The following INSC variants were observed in gnomAD, a reference collection of about 807,000 sequenced individuals.
The protein encoded by INSC is protein inscuteable homolog.
A neutral mutation model predicts 58.6 loss-of-function variants in INSC; 67 were observed. That is an observed-to-expected ratio of 1.14 (90% confidence interval 0.94 to 1.40). INSC has a LOEUF of 1.40. Ranked by LOEUF, INSC falls within the 40% of genes most tolerant of loss-of-function variation. The pLI, the probability that INSC is intolerant of heterozygous loss-of-function variation, is 0.00. For missense variants in INSC, 714 were observed against 692.0 expected (o/e 1.03, Z -0.36); for synonymous variants, 262 against 276.1 (o/e 0.95, Z 0.51).
chr11:15,193,724 C>A (rs1357437311), intron 6 of INSC, among the ~76,000 whole-genome samples: 1 of 152,212 alleles, frequency 6.6e-6, no homozygotes, highest in Non-Finnish European at 1.5e-5. Context: ...CAAGTCTTTG[C>A]TATTGTGAAT....
At chr11:15,126,958 A>C (rs1848011189) in intron 1 of INSC, among the ~76,000 whole-genome samples, 1 of 152,152 alleles carries the variant, frequency 6.6e-6, no homozygotes, top group African/African-American at 2.4e-5. Flanking sequence ...TTGGCCTGTG[A>C]CCAGTTTCTA....
At chr11:15,112,478 GC>G, upstream of INSC, 1 of 1,608,120 alleles carries the variant, frequency 6.2e-7, no homozygotes, top group Non-Finnish European at 8.5e-7. Context: ...CCATGAGACG[GC>G]CCCCTGGCAA....
At chr11:15,192,962 C>T (rs1389408918) in intron 6 of INSC, among the ~76,000 whole-genome samples, 1 of 152,168 alleles carries the variant, frequency 6.6e-6, no homozygotes, top group Non-Finnish European at 1.5e-5. Context: ...ATGTAATTCT[C>T]ATGATTCTGT....
chr11:15,148,987 G>A, intron 1 of INSC, 143 bp from the exon 2 acceptor site: 2 of 1,027,186 alleles, frequency 1.9e-6, no homozygotes, highest in South Asian at 2.7e-5. Flanking sequence ...ATACTGGAGT[G>A]TAAACTGGTT....
At chr11:15,206,519 A>G (rs1483319626) in intron 7 of INSC, among the ~76,000 whole-genome samples, 2 of 152,102 alleles carry the variant, frequency 1.3e-5, no homozygotes, top group Non-Finnish European at 2.9e-5. Flanking sequence ...TTGGGAGAAG[A>G]CTAGAGGGAG....
chr11:15,162,220 A>G (rs970677153), intron 2 of INSC, among the ~76,000 whole-genome samples: 2 of 152,120 alleles, frequency 1.3e-5, no homozygotes, highest in African/African-American at 4.8e-5. Context: ...GCTTTATGTG[A>G]TCTGGCCTAA....
At chr11:15,194,160 G>A (rs558958517) in intron 6 of INSC, among the ~76,000 whole-genome samples, 2 of 152,298 alleles carry the variant, frequency 1.3e-5, no homozygotes, top group East Asian at 1.9e-4. Context: ...GCAAATATAG[G>A]CAACTAATAG....
intron 1 of INSC, among the ~76,000 whole-genome samples, chr11:15,147,188 C>G (rs1183664129): frequency 6.6e-6 from 1 of 152,184 alleles, no homozygotes; most frequent in African/African-American, 2.4e-5. Flanking sequence ...CAAAAGGGAG[C>G]AAACGCCTCA....
Position 15,137,610 on chromosome 11 carries a change from C to A in INSC, c.-45-11520C>A, listed in dbSNP as rs1400066439. 2.0e-5 allele frequency among the ~76,000 whole-genome samples: 3 copies of A among 152,196 alleles called. 1 individual carries two copies. Among genetic ancestry groups the A allele is most frequent in the South Asian group, 4.1e-4 (2 of 4,826 alleles). On this transcript the variant is annotated intron_variant, in intron 1 of 12. Transcript: ENST00000379556. Reference sequence around the variant, plus strand: ...GCCTCTTTCCTTAAACCTCATGAACCAACCTCTGCTAGCTTCCAACTTTTC... The same window carrying A: ...GCCTCTTTCCTTAAACCTCATGAACAAACCTCTGCTAGCTTCCAACTTTTC...
At chr11:15,169,430 A>G (rs758453227) in intron 2 of INSC, among the ~76,000 whole-genome samples, 8 of 152,186 alleles carry the variant, frequency 5.3e-5, no homozygotes, top group East Asian at 1.9e-4. Context: ...GGTTTCACCT[A>G]TCATCCTGGA....
chr11:15,180,669 C>T (rs898841278), intron 5 of INSC, among the ~76,000 whole-genome samples: 1 of 39,142 alleles, frequency 2.6e-5, no homozygotes, highest in African/African-American at 1.2e-4. Context: ...TGGCCTCCCT[C>T]TCATGGTAGG....
intron 5 of INSC, among the ~76,000 whole-genome samples, chr11:15,190,290 C>A (rs1850114980): frequency 6.6e-6 from 1 of 152,236 alleles, no homozygotes; most frequent in Non-Finnish European, 1.5e-5. Flanking sequence ...TCAAAATGAG[C>A]AGATTCTTTG....
At chr11:15,184,239 G>GT (rs1849884651) in intron 5 of INSC, among the ~76,000 whole-genome samples, 1 of 151,136 alleles carries the variant, frequency 6.6e-6, no homozygotes, top group African/African-American at 2.4e-5. Flanking sequence ...TTTTATCTTG[G>GT]TTTTATAATG....
At chr11:15,207,497 C>T (rs567113726) in intron 7 of INSC, among the ~76,000 whole-genome samples, 83 of 152,248 alleles carry the variant, frequency 5.5e-4, no homozygotes, top group Admixed American at 9.1e-4. Flanking sequence ...AGCTCCTTCA[C>T]GCCCCACCCT....
chr11:15,235,229 C>A, intron 9 of INSC: 1 of 303,226 alleles, frequency 3.3e-6, no homozygotes, highest in Non-Finnish European at 6.5e-6. Context: ...GAGGACAAGC[C>A]AGCACAGAGG....
the INSC span, among the ~76,000 whole-genome samples, chr11:15,257,166 C>T: frequency 2.0e-5 from 3 of 152,112 alleles, no homozygotes; most frequent in Non-Finnish European, 2.9e-5. Context: ...GCCACATGGT[C>T]TTGGCAAGGA....
At chr11:15,193,175 TG>T (rs1850243842) in intron 6 of INSC, among the ~76,000 whole-genome samples, 1 of 152,244 alleles carries the variant, frequency 6.6e-6, no homozygotes, top group East Asian at 1.9e-4. Context: ...ATGGAATTAT[TG>T]GGGCCTTACT....
At chr11:15,132,708 A>G (rs1052158629) in intron 1 of INSC, among the ~76,000 whole-genome samples, 5 of 152,236 alleles carry the variant, frequency 3.3e-5, no homozygotes, top group African/African-American at 1.2e-4. Context: ...TGCCTGAAGC[A>G]AATCCTTCAG....
chr11:15,169,107 C>G (rs1464777686), intron 2 of INSC, among the ~76,000 whole-genome samples: 1 of 152,054 alleles, frequency 6.6e-6, no homozygotes, highest in Non-Finnish European at 1.5e-5. Context: ...TACTCAGTCC[C>G]AAGGAAGCTG....
Sources: allele counts gnomAD v4.1 joint callset (sites outside exome capture counted in the v4.1 genomes callset), GRCh38; gene constraint gnomAD v4.1.1; transcripts MANE v1.5; gene names NCBI Gene and HGNC (gene_info 2026-07-23, HGNC 2026-07-21).